VWC2: variants seen among roughly 807,000 people sequenced by gnomAD.
The protein encoded by VWC2 is brorin.
A neutral mutation model predicts 29.8 loss-of-function variants in VWC2; 14 were observed. The ratio of observed to expected loss-of-function variants is 0.47; its 90% CI spans 0.31 to 0.74. VWC2 has a LOEUF of 0.74. Among genes scored for constraint, VWC2 ranks in the 30% least tolerant of loss-of-function variants. The pLI is 0.05. For missense variants in VWC2, 457 were observed against 459.8 expected, an observed-to-expected ratio of 0.99 and a Z score of 0.05; for synonymous variants, 213 against 199.0, an observed-to-expected ratio of 1.07 and a Z score of -0.59.
intron 3 of VWC2, among the ~76,000 whole-genome samples, chr7:49,832,090 G>C (rs751208924): frequency 6.6e-6 from 1 of 152,170 alleles, no homozygotes; most frequent in Non-Finnish European, 1.5e-5. Context: ...GGACAAAGCA[G>C]TTCAGCTAAT....
intron 3 of VWC2, among the ~76,000 whole-genome samples, chr7:49,903,287 C>T (rs1273415365): frequency 6.6e-6 from 1 of 152,096 alleles, no homozygotes; most frequent in Non-Finnish European, 1.5e-5. Flanking sequence ...AGACTATGTT[C>T]ACAGAAAATA....
chr7:49,833,815 T>C (rs1240853438), intron 3 of VWC2, among the ~76,000 whole-genome samples: 1 of 152,104 alleles, frequency 6.6e-6, no homozygotes, highest in Non-Finnish European at 1.5e-5. Context: ...TGAAAAACAA[T>C]GTAAGCAACT....
At chr7:49,793,864 C>T (rs1005701663) in intron 2 of VWC2, among the ~76,000 whole-genome samples, 6 of 152,204 alleles carry the variant, frequency 3.9e-5, no homozygotes, top group Admixed American at 1.3e-4. Context: ...CTGGGAAGTG[C>T]AGCTAGATGG....
chr7:49,850,783 T>C (rs1790143908), intron 3 of VWC2, among the ~76,000 whole-genome samples: 1 of 152,202 alleles, frequency 6.6e-6, no homozygotes, highest in Non-Finnish European at 1.5e-5. Flanking sequence ...AGTTACATCA[T>C]GGGTACAGTG....
chr7:49,845,194 T>C (rs948109801), intron 3 of VWC2, among the ~76,000 whole-genome samples: 7 of 151,636 alleles, frequency 4.6e-5, no homozygotes, highest in African/African-American at 1.7e-4. Flanking sequence ...AATACCTAGG[T>C]GATGGGTTGA....
At chr7:49,853,209 T>C (rs1271473142) in intron 3 of VWC2, among the ~76,000 whole-genome samples, 1 of 152,248 alleles carries the variant, frequency 6.6e-6, no homozygotes, top group Non-Finnish European at 1.5e-5. Context: ...CCTCTCGTGG[T>C]CAGGCTCTTG....
At position 49,775,965 on chromosome 7, in the gene VWC2, C is replaced by G. The variant is rs761389415; in HGVS notation, c.530C>G (p.Pro177Arg). The part of the protein sequence containing the change: ...EKFAPGPSAC[P>R]CLCTEEGPLC... ...TTCGCGCCGGGCCCCTCGGCCTGCC[C>G]GTGCCTGTGCACCGAGGAGGGGCCG... Residue 177 changes from proline to arginine, a missense_variant, in exon 2 of 4, where the codon CCG (proline) becomes CGG (arginine). Physicochemically the swap from Pro to Arg is moderately radical, Grantham distance 103. Transcript: ENST00000340652. 11 of 1,549,894 alleles carry G rather than the reference C, an allele frequency of 7.1e-6. No homozygotes were observed. The highest frequency in any genetic ancestry group is 8.7e-6 in the Non-Finnish European group (10 of 1,150,456).
intron 2 of VWC2, among the ~76,000 whole-genome samples, chr7:49,787,592 C>T (rs538714247): frequency 1.3e-5 from 2 of 152,302 alleles, no homozygotes; most frequent in Admixed American, 1.3e-4. Flanking sequence ...AGATGCTCAC[C>T]TTTCTTTCTC....
chr7:49,848,136 C>T (rs1361974935), intron 3 of VWC2, among the ~76,000 whole-genome samples: 1 of 152,096 alleles, frequency 6.6e-6, no homozygotes, highest in Admixed American at 6.5e-5. Flanking sequence ...AGTGGGATGC[C>T]CTGTCTAACC....
intron 3 of VWC2, among the ~76,000 whole-genome samples, chr7:49,875,429 T>C (rs534437711): frequency 7.0e-6 from 1 of 142,976 alleles, no homozygotes; most frequent in Non-Finnish European, 1.5e-5. Flanking sequence ...ATATATTTTT[T>C]AAAAATAGGA....
At chr7:49,855,766 G>C (rs2128718272) in intron 3 of VWC2, among the ~76,000 whole-genome samples, 1 of 152,274 alleles carries the variant, frequency 6.6e-6, no homozygotes, top group East Asian at 1.9e-4. Context: ...TGCCTCCCCA[G>C]AAGCCAGCCC....
chr7:49,897,352 AG>A (rs1792441556), intron 3 of VWC2, among the ~76,000 whole-genome samples: 1 of 152,232 alleles, frequency 6.6e-6, no homozygotes. Context: ...AAAAAAATAC[AG>A]GTCAATATTT....
At chr7:49,883,236 C>T (rs1791750661) in intron 3 of VWC2, among the ~76,000 whole-genome samples, 1 of 152,050 alleles carries the variant, frequency 6.6e-6, no homozygotes, top group Non-Finnish European at 1.5e-5. Flanking sequence ...GGAACCTAAC[C>T]CAGGGAGGCG....
At chr7:49,893,547 T>A (rs901374627) in intron 3 of VWC2, among the ~76,000 whole-genome samples, 7 of 152,192 alleles carry the variant, frequency 4.6e-5, no homozygotes, top group Admixed American at 2.0e-4. Flanking sequence ...AAAACACACA[T>A]GTCCACATGA....
At chr7:49,834,197 T>C (rs1789603326) in intron 3 of VWC2, among the ~76,000 whole-genome samples, 1 of 152,178 alleles carries the variant, frequency 6.6e-6, no homozygotes, top group Non-Finnish European at 1.5e-5. Flanking sequence ...TCTGGTTAGC[T>C]GAATATCACC....
At chr7:49,775,045 G>C (rs1583615893) in intron 1 of VWC2, among the ~76,000 whole-genome samples, 1 of 152,164 alleles carries the variant, frequency 6.6e-6, no homozygotes, top group East Asian at 1.9e-4. Flanking sequence ...GGCCTGGCTC[G>C]CTGCGTTCCC....
intron 3 of VWC2, among the ~76,000 whole-genome samples, chr7:49,876,528 A>G (rs1469605339): frequency 6.6e-6 from 1 of 152,224 alleles, no homozygotes; most frequent in Admixed American, 6.5e-5. Flanking sequence ...ATTCAGGGAT[A>G]TGCTGCTGAC....
rs769247738 is a variant in VWC2, at chr7:49,912,401, C to T, written c.*216C>T. 6.3e-6 allele frequency: 3 copies of T among 474,292 alleles called. No homozygotes were observed. Among genetic ancestry groups the T allele is most frequent in the Non-Finnish European group, 1.1e-5 (3 of 268,892 alleles). The allele number at this position is 474,292 out of a possible 1,614,324, so 29.4% of individuals were successfully genotyped here. A position where few individuals can be genotyped will look rare whatever the true frequency, so the allele number is the denominator to read the frequency against. ...AGAACTTTGGGCATAAAATCCTTCT[C>T]TAAATAAATGTGCTATTTTCACAGT... On this transcript the variant is annotated 3_prime_UTR_variant, in exon 4 of 4. Transcript: ENST00000340652.
Position 49,775,466 on chromosome 7 carries a change from G to C in VWC2, c.31G>C (p.Ala11Pro). 1 of 1,491,776 alleles carries C rather than the reference G, an allele frequency of 6.7e-7. No individual in the cohort carries two copies. Among genetic ancestry groups the C allele is most frequent in the Admixed American group, 2.2e-5 (1 of 45,210 alleles). 92.4% of individuals were successfully genotyped at this position (1,491,776 alleles called of 1,614,324 possible). ...CAGCTCCACTGCGATGGCAGTTGGC[G>C]CGCTCTCCAGTTCCCTCCTGGTCAC... MPSSTAMAVG[A>P]LSSSLLVTCC... The change falls in exon 2 of 4, where the codon GCG becomes CCG. Residue 11 changes from alanine to proline, a missense_variant. Physicochemically the swap from Ala to Pro is conservative, Grantham distance 27. Around this residue, in one of 2 missense-constraint regions of VWC2, gnomAD observed 272 missense variants for 202.7 expected, o/e 1.34. Coordinates refer to ENST00000340652, the MANE Select transcript of VWC2 (RefSeq NM_198570.5).
Sources: gnomAD v4.1 joint callset for allele counts (sites outside exome capture counted in the v4.1 genomes callset) on GRCh38, gnomAD v4.1.1 for gene constraint, gnomAD v4.1.1 regional missense constraint, MANE v1.5 for transcripts, NCBI Gene and HGNC (gene_info 2026-07-23, HGNC 2026-07-21) for gene names.